Variants in EIF2B5 observed in about 807,000 individuals in gnomAD.
EIF2B5 encodes translation initiation factor eIF2B subunit epsilon.
In EIF2B5, 38 loss-of-function variants were observed where a neutral mutation model predicts 87.3. The ratio of observed to expected loss-of-function variants is 0.44; its 90% CI spans 0.34 to 0.57. The LOEUF (loss-of-function observed/expected upper bound fraction) is 0.57, where lower values mean the gene tolerates loss of function less well. EIF2B5 is among the 20% of genes least tolerant of loss of function. EIF2B5 has a pLI of 0.02. For missense variants in EIF2B5, 784 were observed against 909.5 expected (o/e 0.86, Z 1.78); for synonymous variants, 313 against 339.6 (o/e 0.92, Z 0.86).
At chr3:184,140,842 G>C in intron 7 of EIF2B5, 112 bp downstream of exon 7, 2 of 1,256,802 alleles carry the variant, frequency 1.6e-6, no homozygotes, top group Non-Finnish European at 2.3e-6. Flanking sequence ...TGGGAATAAG[G>C]AACTATAGAG....
intron 15 of EIF2B5, 63 bp from the exon 16 acceptor site, chr3:184,144,821 C>T: frequency 6.3e-7 from 1 of 1,593,154 alleles, no homozygotes; most frequent in Non-Finnish European, 8.6e-7. Flanking sequence ...TGTTTATCTG[C>T]CGAGGGGAGC....
chr3:184,140,549 G>C lies in EIF2B5; in HGVS notation c.975G>C (p.Ala325=), dbSNP rs778932439. ...RRWVYPLTPE[A]NFTDSTTQSC... is the part of the protein sequence containing the mutation. ...GGGTCTACCCTCTCACCCCAGAGGC[G>C]AACTTCACTGACAGCACCACCCAGA... The change falls in exon 7 of 16, where the codon GCG becomes GCC. Residue 325 remains alanine (A), a synonymous_variant. Coordinates refer to ENST00000648915, the MANE Select transcript of EIF2B5 (RefSeq NM_003907.3). 1 of 1,614,002 alleles carries C rather than the reference G, an allele frequency of 6.2e-7. No homozygotes were observed.
Position 184,142,230 on chromosome 3 carries a change from C to G in EIF2B5, c.1303-7C>G. The G allele has an allele frequency of 1.2e-6, 2 of 1,613,904 alleles. No homozygotes were observed. Among genetic ancestry groups the G allele is most frequent in the Non-Finnish European group, 1.7e-6 (2 of 1,179,976 alleles). ...CCCTAATGGTTCTGTGTTTTTTTTC[C>G]CCTTAGGTGGTCGTGGGCCCAAATA... On this transcript the variant is annotated splice_region_variant and splice_polypyrimidine_tract_variant and intron_variant, in intron 8 of 15. Transcript: ENST00000648915. The surrounding 1 kb of genome is among the most constrained non-coding windows in gnomAD (Gnocchi z 5.0).
chr3:184,139,104 G>A (rs943447741), intron 5 of EIF2B5, among the ~76,000 whole-genome samples: 10 of 151,838 alleles, frequency 6.6e-5, no homozygotes, highest in African/African-American at 2.4e-4. Context: ...CAAGTAGCTG[G>A]GACTACAGGT....
chr3:184,138,738 G>T, intron 5 of EIF2B5: 1 of 224,104 alleles, frequency 4.5e-6, no homozygotes, highest in Non-Finnish European at 9.1e-6. Flanking sequence ...CACCATGACT[G>T]CTCACTGCAG....
chr3:184,137,779 T>C lies in EIF2B5; in HGVS notation c.480T>C (p.Asn160=), dbSNP rs763934785. The part of the protein sequence containing the change: ...LVYGDVISNI[N]ITRALEEHRL... ...ATGGGGATGTCATCTCAAACATCAA[T>C]ATCACCAGAGCCCTTGAGGAACACA... is the stretch of plus-strand genomic sequence containing the variant. Residue 160 remains asparagine (N), a synonymous_variant, in exon 3 of 16, where the codon AAT becomes AAC. Coordinates refer to ENST00000648915, the MANE Select transcript of EIF2B5 (RefSeq NM_003907.3). 9 of 1,614,084 alleles carry C rather than the reference T, an allele frequency of 5.6e-6. No individual in the cohort carries two copies. Among genetic ancestry groups the C allele is most frequent in the Non-Finnish European group, 7.6e-6 (9 of 1,180,054 alleles).
chr3:184,140,104 T>G lies in EIF2B5; in HGVS notation c.790T>G (p.Phe264Val). ...PQVAQLFTDN[F>V]DYQTRDDFVR... ...GGTGGCACAACTCTTTACAGACAACTTTGACTACCAAACTCGAGATGACTT... is the reference window on the plus strand; with the variant it reads ...GGTGGCACAACTCTTTACAGACAACGTTGACTACCAAACTCGAGATGACTT... The change falls in exon 6 of 16, where the codon TTT becomes GTT. Residue 264 changes from phenylalanine to valine, a missense_variant. Physicochemically the swap from Phe to Val is conservative, Grantham distance 50. Around this residue, in one of 3 missense-constraint regions of EIF2B5, gnomAD observed 660 missense variants for 789.5 expected, o/e 0.84. Transcript: ENST00000648915. 6.2e-7 allele frequency: 1 copy of G among 1,613,738 alleles called. No homozygotes were observed. The highest frequency in any genetic ancestry group is 8.5e-7 in the Non-Finnish European group (1 of 1,179,796).
intron 5 of EIF2B5, among the ~76,000 whole-genome samples, chr3:184,139,510 A>G (rs1243515587): frequency 6.8e-6 from 1 of 147,696 alleles, no homozygotes; most frequent in Non-Finnish European, 1.5e-5. Flanking sequence ...CGAACTCCCA[A>G]CCTCAGGTGA....
chr3:184,143,624 T>C, intron 13 of EIF2B5, 59 bp downstream of exon 13: 2 of 1,612,284 alleles, frequency 1.2e-6, no homozygotes, highest in Non-Finnish European at 1.7e-6. Flanking sequence ...AAATCAGGAG[T>C]AGACTGTCTT....
intron 14 of EIF2B5, 105 bp from the exon 15 acceptor site, chr3:184,144,492 G>C: frequency 8.8e-7 from 1 of 1,139,226 alleles, no homozygotes; most frequent in Admixed American, 1.9e-5. Flanking sequence ...ACTCTTGTCC[G>C]TTTTGGAGGA....
Position 184,142,482 on chromosome 3 carries a change from T to C in EIF2B5, c.1445-20T>C, listed in dbSNP as rs749563800. The C allele has an allele frequency of 4.3e-6, 7 of 1,614,018 alleles. No homozygotes were observed. The highest frequency in any genetic ancestry group is 5.9e-6 in the Non-Finnish European group (7 of 1,180,014). On this transcript the variant is annotated intron_variant, in intron 9 of 15. Coordinates refer to ENST00000648915, the MANE Select transcript of EIF2B5 (RefSeq NM_003907.3). This position sits in a 1 kb window ranked among gnomAD's most constrained non-coding sequence, Gnocchi z 5.0. ...TGGTGCTTCCGCCGGGCCCTCTCTA[T>C]AGATCATTGCCTTTTCCAGGTTACA...
chr3:184,143,427 CCA>C lies in EIF2B5; in HGVS notation c.1746-14_1746-13del. 6.2e-7 allele frequency: 1 copy of C among 1,614,136 alleles called. No individual in the cohort carries two copies. The highest frequency in any genetic ancestry group is 8.5e-7 in the Non-Finnish European group (1 of 1,180,018). On this transcript the variant is annotated splice_polypyrimidine_tract_variant and intron_variant, in intron 12 of 15. Coordinates refer to ENST00000648915, the MANE Select transcript of EIF2B5 (RefSeq NM_003907.3). ...GGCCAGTGAAGGCCCTGGTGTCACC[CCA>C]GTCTCCCCACAGGTATGCCTATAAC...
chr3:184,137,529 C>A, intron 2 of EIF2B5, 91 bp from the exon 3 acceptor site: 1 of 1,322,588 alleles, frequency 7.6e-7, no homozygotes, highest in Non-Finnish European at 1.1e-6. Flanking sequence ...TCGAGAAGGA[C>A]TGTGAGTGCT....
rs776071650 is a variant in EIF2B5 at position 184,142,735 on chromosome 3, A to C, written c.1547-44A>C. The C allele has an allele frequency of 6.3e-7, 1 of 1,588,576 alleles. No homozygotes were observed. Among genetic ancestry groups the C allele is most frequent in the South Asian group, 1.1e-5 (1 of 88,624 alleles). ...CAGGGCAGGTATATTGCTCTCTGTC[A>C]ATGACTCTTTTTTTCTTTTTCCTCA... On this transcript the variant is annotated intron_variant, in intron 10 of 15. Coordinates refer to ENST00000648915, the MANE Select transcript of EIF2B5 (RefSeq NM_003907.3). The surrounding 1 kb of genome is among the most constrained non-coding windows in gnomAD (Gnocchi z 5.0).
chr3:184,140,829 C>G (rs1713601401), intron 7 of EIF2B5, 99 bp downstream of exon 7: 1 of 1,382,070 alleles, frequency 7.2e-7, no homozygotes. Context: ...AAGGGACAGT[C>G]CCTGGGAATA....
chr3:184,143,511 G>A lies in EIF2B5; in HGVS notation c.1815G>A (p.Leu605=). 3 of 1,614,174 alleles carry A rather than the reference G, an allele frequency of 1.9e-6. No homozygotes were observed. Among genetic ancestry groups the A allele is most frequent in the Non-Finnish European group, 2.5e-6 (3 of 1,180,036 alleles). The change falls in exon 13 of 16, where the codon CTG becomes CTA. Residue 605 remains leucine, a synonymous_variant. Coordinates refer to ENST00000648915, the MANE Select transcript of EIF2B5 (RefSeq NM_003907.3). ...GCCACGTGGTCCTGGAGTTCCCCCT[G>A]CAACAGATGGATTCCCCGCTTGACT... ...VLSHVVLEFP[L]QQMDSPLDSS...
Position 184,140,142 on chromosome 3 carries a change from C to A in EIF2B5, c.828C>A (p.Leu276=). The A allele has an allele frequency of 6.2e-7, 1 of 1,613,890 alleles. No homozygotes were observed. Residue 276 remains leucine (L), a synonymous_variant, in exon 6 of 16, where the codon CTC becomes CTA. Coordinates refer to ENST00000648915, the MANE Select transcript of EIF2B5 (RefSeq NM_003907.3). ...CTCGAGATGACTTTGTGCGAGGTCT[C>A]TTAGTGAATGAGGAGGTGAGAAAAG... ...YQTRDDFVRG[L]LVNEEILGNQ...
rs142019679 is a variant in EIF2B5, at chr3:184,135,683, C to T, written c.195+103C>T. ...CAACAGCATGCCCTTGAAGGACCTGCGTCTATGCTGTTATCCTAAAACCGG... is the reference window on the plus strand; with the variant it reads ...CAACAGCATGCCCTTGAAGGACCTGTGTCTATGCTGTTATCCTAAAACCGG... On this transcript the variant is annotated intron_variant, in intron 1 of 15. Transcript: ENST00000648915. The T allele has an allele frequency of 2.3e-4, 336 of 1,444,198 alleles. 2 individuals are homozygous for T. In the African/African-American group the frequency reaches 4.2e-3, roughly 18 times the overall value. The allele number at this position is 1,444,198 out of a possible 1,614,324, so 89.5% of individuals were successfully genotyped here. A position where few individuals can be genotyped will look rare whatever the true frequency, so the allele number is the denominator to read the frequency against.
chr3:184,138,833 G>A (rs1713481062), intron 5 of EIF2B5: 2 of 268,220 alleles, frequency 7.5e-6, no homozygotes, highest in South Asian at 3.0e-5. Context: ...ACTAATTTTT[G>A]TATTTTTTTG....
Sources: gnomAD v4.1 joint callset for allele counts (sites outside exome capture counted in the v4.1 genomes callset) on GRCh38, gnomAD v4.1.1 for gene constraint, gnomAD v4.1.1 regional missense constraint, Gnocchi (gnomAD v3.1) non-coding constraint, MANE v1.5 for transcripts, NCBI Gene and HGNC (gene_info 2026-07-23, HGNC 2026-07-21) for gene names.